The following EYS variants were observed in gnomAD, a reference collection of about 807,000 sequenced individuals.
EYS encodes EGF-like photoreceptor maintenance factor.
EYS carries 250 observed loss-of-function variants against 282.1 expected under a neutral mutation model. That is an observed-to-expected ratio of 0.89 (90% CI 0.80 to 0.98). The LOEUF is 0.98. EYS is among the 50% of genes least tolerant of loss of function. EYS has a pLI of 0.00. For missense variants in EYS, 4,016 were observed against 3,709.0 expected (o/e 1.08, Z -2.15); for synonymous variants, 1,355 against 1,282.9 (o/e 1.06, Z -1.20).
intron 19 of EYS, 89 bp from the exon 20 acceptor site, chr6:64,822,911 A>G: frequency 1.0e-6 from 1 of 995,336 alleles, no homozygotes; most frequent in Non-Finnish European, 1.5e-6. Flanking sequence ...TCACCAAGAA[A>G]TGAAGACCTC....
At chr6:65,377,529 C>T (rs1406913318) in intron 8 of EYS, among the ~76,000 whole-genome samples, 1 of 151,838 alleles carries the variant, frequency 6.6e-6, no homozygotes, top group Non-Finnish European at 1.5e-5. Context: ...AAGATCAGAG[C>T]AGAACCGAAG....
chr6:64,888,736 G>A (rs2150064478), intron 18 of EYS, among the ~76,000 whole-genome samples: 1 of 152,070 alleles, frequency 6.6e-6, no homozygotes, highest in East Asian at 1.9e-4. Flanking sequence ...CTAGTGAGAA[G>A]TAATGTAATG....
At chr6:64,487,150 TAATC>T (rs532570953) in intron 26 of EYS, among the ~76,000 whole-genome samples, 58 of 151,302 alleles carry the variant, frequency 3.8e-4, no homozygotes, top group Non-Finnish European at 6.5e-4. Flanking sequence ...TATTGGCACT[TAATC>T]AAGAGAGACA....
At chr6:64,298,289 A>G (rs1257300638) in intron 30 of EYS, among the ~76,000 whole-genome samples, 1 of 152,098 alleles carries the variant, frequency 6.6e-6, no homozygotes, top group Admixed American at 6.6e-5. Context: ...ACTTTGGTTT[A>G]TAACTTTATA....
chr6:64,700,490 C>G (rs1202663849), intron 22 of EYS, among the ~76,000 whole-genome samples: 1 of 151,956 alleles, frequency 6.6e-6, no homozygotes, highest in African/African-American at 2.4e-5. Context: ...AGGCTAAAGA[C>G]TCCTGCAAAA....
At chr6:64,075,399 A>C (rs555659998) in intron 32 of EYS, among the ~76,000 whole-genome samples, 3 of 152,116 alleles carry the variant, frequency 2.0e-5, no homozygotes, top group African/African-American at 7.2e-5. Flanking sequence ...GATTGGCTTC[A>C]GGCCAATTTC....
At chr6:65,437,058 G>GGT (rs1363632512) in intron 5 of EYS, among the ~76,000 whole-genome samples, 1 of 152,034 alleles carries the variant, frequency 6.6e-6, no homozygotes, top group African/African-American at 2.4e-5. Flanking sequence ...CTGGCTGATT[G>GGT]GTAGCAGAAT....
At chr6:64,597,388 T>A (rs1766620272) in intron 24 of EYS, among the ~76,000 whole-genome samples, 1 of 152,046 alleles carries the variant, frequency 6.6e-6, no homozygotes, top group African/African-American at 2.4e-5. Flanking sequence ...GGAAAATAAA[T>A]CATTATATCA....
intron 33 of EYS, among the ~76,000 whole-genome samples, chr6:64,059,853 A>G (rs1734765502): frequency 6.6e-6 from 1 of 152,178 alleles, no homozygotes; most frequent in South Asian, 2.1e-4. Context: ...TTAGCTTTAT[A>G]TATTTACACA....
At chr6:64,255,659 T>C (rs1180613445) in intron 30 of EYS, among the ~76,000 whole-genome samples, 2 of 152,062 alleles carry the variant, frequency 1.3e-5, no homozygotes, top group African/African-American at 4.8e-5. Flanking sequence ...ATTATAAGAA[T>C]TCAATCATAT....
At chr6:64,048,536 G>A (rs1013965080) in intron 33 of EYS, among the ~76,000 whole-genome samples, 1 of 152,042 alleles carries the variant, frequency 6.6e-6, no homozygotes, top group African/African-American at 2.4e-5. Flanking sequence ...GGATTCAAAT[G>A]GCCCCAGTAC....
intron 12 of EYS, among the ~76,000 whole-genome samples, chr6:65,069,136 T>C (rs536336309): frequency 6.6e-6 from 1 of 152,178 alleles, no homozygotes; most frequent in African/African-American, 2.4e-5. Flanking sequence ...TGGTTGTTAC[T>C]CAAGCTTGAA....
chr6:64,108,799 A>G (rs998115025), intron 31 of EYS, among the ~76,000 whole-genome samples: 2 of 152,038 alleles, frequency 1.3e-5, no homozygotes, highest in Non-Finnish European at 1.5e-5. Flanking sequence ...GGACCCCATC[A>G]TCCCCATAAT....
At chr6:65,192,932 T>A (rs1191197857) in intron 12 of EYS, among the ~76,000 whole-genome samples, 1 of 151,888 alleles carries the variant, frequency 6.6e-6, no homozygotes, top group Non-Finnish European at 1.5e-5. Flanking sequence ...TTAACTCCAC[T>A]CTTCAAGCTA....
chr6:64,622,102 T>A (rs73437315), intron 23 of EYS, among the ~76,000 whole-genome samples: 1 of 152,334 alleles, frequency 6.6e-6, no homozygotes, highest in African/African-American at 2.4e-5. Context: ...TGATTAGGAC[T>A]GTCCTAAATG....
At chr6:65,078,229 A>C (rs1314909333) in intron 12 of EYS, among the ~76,000 whole-genome samples, 2 of 152,150 alleles carry the variant, frequency 1.3e-5, no homozygotes, top group Non-Finnish European at 2.9e-5. Flanking sequence ...AGTCAGGTTT[A>C]GAATTTTATG....
At chr6:64,372,819 G>A (rs74486369) in intron 29 of EYS, among the ~76,000 whole-genome samples, 1 of 151,948 alleles carries the variant, frequency 6.6e-6, no homozygotes, top group Non-Finnish European at 1.5e-5. Flanking sequence ...TGTTTCCTCA[G>A]TTTGGTCAAT....
At chr6:65,423,590 G>T (rs1021760459) in intron 5 of EYS, among the ~76,000 whole-genome samples, 1 of 151,862 alleles carries the variant, frequency 6.6e-6, no homozygotes, top group African/African-American at 2.4e-5. Flanking sequence ...TGATGCTGCT[G>T]ATACAGAACC....
chr6:64,835,960 T>C (rs1765370402), intron 19 of EYS, among the ~76,000 whole-genome samples: 1 of 151,638 alleles, frequency 6.6e-6, no homozygotes, highest in Non-Finnish European at 1.5e-5. Context: ...TCTACTTCTT[T>C]TGGGCTAATG....
Sources: gnomAD v4.1 joint callset for allele counts (sites outside exome capture counted in the v4.1 genomes callset) on GRCh38, gnomAD v4.1.1 for gene constraint, MANE v1.5 for transcripts, NCBI Gene and HGNC (gene_info 2026-07-23, HGNC 2026-07-21) for gene names.